HS6ST2: variants seen among roughly 807,000 people sequenced by gnomAD.
The protein encoded by HS6ST2 is heparan sulfate 6-O-sulfotransferase 2, also known as heparan-sulfate 6-O-sulfotransferase 2.
HS6ST2 carries 17 observed loss-of-function variants against 33.0 expected under a neutral mutation model. The ratio of observed to expected loss-of-function variants is 0.52; its 90% CI spans 0.35 to 0.77. The LOEUF (loss-of-function observed/expected upper bound fraction) is 0.77, where lower values mean the gene tolerates loss of function less well. Among genes scored for constraint, HS6ST2 ranks in the 30% least tolerant of loss-of-function variants. The pLI, the probability that HS6ST2 is intolerant of heterozygous loss-of-function variation, is 0.01. For synonymous variants in HS6ST2, 248 were observed against 237.1 expected (o/e 1.05, Z -0.42); for missense variants, 519 against 551.7 (o/e 0.94, Z 0.59).
intron 4 of HS6ST2, among the ~76,000 whole-genome samples, chrX:132,657,227 C>T (rs757235780): frequency 7.9e-4 from 88 of 111,470 alleles, no homozygotes; most frequent in Middle Eastern, 4.6e-3. Context: ...CAACATTATG[C>T]ATGTGTTTCC....
chrX:132,732,331 C>T (rs1429231380), intron 2 of HS6ST2, among the ~76,000 whole-genome samples: 1 of 111,702 alleles, frequency 9.0e-6, no homozygotes, highest in African/African-American at 3.3e-5. Context: ...CCACCCCCTA[C>T]AAGAGAAAAA....
chrX:132,780,896 G>A (rs1256734052), intron 2 of HS6ST2, among the ~76,000 whole-genome samples: 1 of 111,661 alleles, frequency 9.0e-6, no homozygotes, highest in African/African-American at 3.3e-5. Flanking sequence ...TTAGGAGCAG[G>A]GGATAAGGTG....
chrX:132,843,571 G>C (rs1210157129), intron 2 of HS6ST2, among the ~76,000 whole-genome samples: 3 of 111,505 alleles, frequency 2.7e-5, no homozygotes, highest in African/African-American at 6.5e-5. Context: ...CTTGGAGGAG[G>C]CTTTAGCAAT....
intron 2 of HS6ST2, among the ~76,000 whole-genome samples, chrX:132,802,982 A>G (rs1414807649): frequency 9.0e-6 from 1 of 111,181 alleles, no homozygotes; most frequent in East Asian, 2.8e-4. Context: ...TTCCTCAGGA[A>G]CATGATCAAC....
chrX:132,732,532 G>A (rs1340775443), intron 2 of HS6ST2, among the ~76,000 whole-genome samples: 2 of 111,384 alleles, frequency 1.8e-5, no homozygotes, highest in East Asian at 2.8e-4. Flanking sequence ...TGTCAAAGGC[G>A]AGGCCAGGTG....
At chrX:132,761,425 C>T (rs2064804570) in intron 2 of HS6ST2, among the ~76,000 whole-genome samples, 1 of 111,113 alleles carries the variant, frequency 9.0e-6, no homozygotes, top group Non-Finnish European at 1.9e-5. Flanking sequence ...GGAGCCCACC[C>T]CAGCAGGGGG....
Position 132,950,813 on chromosome X carries a change from G to A in HS6ST2, c.947+5995C>T, listed in dbSNP as rs758273743. ...TTTTCGTTTTGGCTTTTTTTTGACAGATAAGCATATCTTATTCTTATGTAA... is the reference window on the plus strand; with the variant it reads ...TTTTCGTTTTGGCTTTTTTTTGACAAATAAGCATATCTTATTCTTATGTAA... On this transcript the variant is annotated intron_variant, in intron 2 of 4. Coordinates refer to ENST00000370833, the MANE Select transcript of HS6ST2 (RefSeq NM_001394073.1). Among the ~76,000 whole-genome samples, 6 of 111,602 alleles carry A rather than the reference G, an allele frequency of 5.4e-5. No individual in the cohort carries two copies. In the East Asian group the frequency reaches 1.7e-3, roughly 32 times the overall value.
rs754095046 is a variant in HS6ST2 at position 132,785,685 on chromosome X, T to G, written c.948-77191A>C. 1.0e-3 allele frequency among the ~76,000 whole-genome samples: 117 copies of G among 112,022 alleles called. 1 individual carries two copies. Among genetic ancestry groups the G allele is most frequent in the Non-Finnish European group, 1.3e-3 (69 of 53,209 alleles). ...ACTCACTGTTCAAATGGCAATGCCA[T>G]GATGGAAGTTAAAATTGGGGGCAGA... is the stretch of plus-strand genomic sequence containing the variant. On this transcript the variant is annotated intron_variant, in intron 2 of 4. Transcript: ENST00000370833.
chrX:132,689,654 A>T (rs1166558975), intron 3 of HS6ST2, among the ~76,000 whole-genome samples: 1 of 112,398 alleles, frequency 8.9e-6, no homozygotes, highest in African/African-American at 3.2e-5. Flanking sequence ...TCTAAGTACA[A>T]GTCATTGAAT....
At chrX:132,677,065 G>A (rs1485422275) in intron 3 of HS6ST2, among the ~76,000 whole-genome samples, 1 of 112,172 alleles carries the variant, frequency 8.9e-6, no homozygotes, top group African/African-American at 3.2e-5. Context: ...TGAGCCCGAA[G>A]TTCTATTTAC....
intron 2 of HS6ST2, among the ~76,000 whole-genome samples, chrX:132,947,568 A>G (rs1468142299): frequency 1.8e-5 from 2 of 111,732 alleles, no homozygotes; most frequent in Non-Finnish European, 1.9e-5. Context: ...GTTTTGTCTG[A>G]TATCAACATA....
intron 2 of HS6ST2, among the ~76,000 whole-genome samples, chrX:132,716,233 A>G (rs2064271836): frequency 9.0e-6 from 1 of 111,455 alleles, no homozygotes; most frequent in South Asian, 3.8e-4. Context: ...CTAATTAACA[A>G]TCTAGACACT....
chrX:132,816,742 A>G (rs2065398149), intron 2 of HS6ST2, among the ~76,000 whole-genome samples: 1 of 111,349 alleles, frequency 9.0e-6, no homozygotes. Context: ...GAGAAAACCC[A>G]ACTCCAAAGA....
Position 132,637,900 on chromosome X carries a change from A to ATATTATATATATTTTATATATT in HS6ST2, c.1068-8808_1068-8807insAATATATAAAATATATATAATA. The stretch of plus-strand genomic sequence containing the variant: ...AATATATATATAATATTTTATATAT[A>ATATTATATATATTTTATATATT]ATATTATATATAATATTTTATATAT... On this transcript the variant is annotated intron_variant, in intron 4 of 4. Coordinates refer to ENST00000370833, the MANE Select transcript of HS6ST2 (RefSeq NM_001394073.1). 6.6e-5 allele frequency among the ~76,000 whole-genome samples: 3 copies of ATATTATATATATTTTATATATT among 45,640 alleles called. No homozygotes were observed. The South Asian group carries it at 2.8e-3, about 43-fold the overall frequency. 39.6% of individuals were successfully genotyped at this position (45,640 alleles called of 115,157 possible). A position where few individuals can be genotyped will look rare whatever the true frequency, so the allele number is the denominator to read the frequency against.
chrX:132,812,098 T>C (rs2065351899), intron 2 of HS6ST2, among the ~76,000 whole-genome samples: 1 of 109,548 alleles, frequency 9.1e-6, no homozygotes, highest in Admixed American at 1.0e-4. Flanking sequence ...TACTTACTTT[T>C]AATTTTCTTT....
intron 4 of HS6ST2, among the ~76,000 whole-genome samples, chrX:132,629,606 T>G (rs936661717): frequency 5.3e-5 from 6 of 112,578 alleles, no homozygotes; most frequent in African/African-American, 1.9e-4. Flanking sequence ...TTTTCTAATA[T>G]CCAGTCTAAT....
chrX:132,918,633 T>A (rs2066619760), intron 2 of HS6ST2, among the ~76,000 whole-genome samples: 1 of 111,671 alleles, frequency 9.0e-6, no homozygotes, highest in African/African-American at 3.3e-5. Flanking sequence ...TGGAATGTGA[T>A]CAGGTGGGAC....
chrX:132,844,707 G>A (rs2065735466), intron 2 of HS6ST2, among the ~76,000 whole-genome samples: 1 of 111,467 alleles, frequency 9.0e-6, no homozygotes, highest in Non-Finnish European at 1.9e-5. Flanking sequence ...GATGCTGATG[G>A]AGCATAAACA....
chrX:132,768,014 G>A (rs908821650), intron 2 of HS6ST2, among the ~76,000 whole-genome samples: 1 of 110,889 alleles, frequency 9.0e-6, no homozygotes, highest in African/African-American at 3.3e-5. Context: ...ACATCTTTAC[G>A]TTGAAGGTTT....
Sources: gnomAD v4.1 joint callset for allele counts (sites outside exome capture counted in the v4.1 genomes callset) on GRCh38, gnomAD v4.1.1 for gene constraint, MANE v1.5 for transcripts, NCBI Gene and HGNC (gene_info 2026-07-23, HGNC 2026-07-21) for gene names.